DOCK3: variants seen among roughly 807,000 people sequenced by gnomAD.
The protein encoded by DOCK3 is dedicator of cytokinesis 3.
In DOCK3, 60 loss-of-function variants were observed where a neutral mutation model predicts 265.6. That is an observed-to-expected ratio of 0.23 (90% confidence interval 0.18 to 0.28). The LOEUF is 0.28. Among genes scored for constraint, DOCK3 ranks in the 10% least tolerant of loss-of-function variants. The pLI is 1.00. For missense variants in DOCK3, 1,981 were observed against 2,594.3 expected, an observed-to-expected ratio of 0.76 and a Z score of 5.14; for synonymous variants, 881 against 938.0, an observed-to-expected ratio of 0.94 and a Z score of 1.11.
intron 5 of DOCK3, among the ~76,000 whole-genome samples, chr3:51,004,507 AG>A (rs1307911881): frequency 2.6e-5 from 4 of 152,278 alleles, no homozygotes; most frequent in Non-Finnish European, 5.9e-5. Context: ...ATAATGGATT[AG>A]GTTTAGGTTT....
intron 13 of DOCK3, among the ~76,000 whole-genome samples, chr3:51,212,674 C>T (rs978115711): frequency 6.6e-6 from 1 of 152,178 alleles, no homozygotes; most frequent in Non-Finnish European, 1.5e-5. Flanking sequence ...TTGGTTCTGG[C>T]TCCCAGGCTT....
At chr3:50,785,699 T>C (rs1272345145) in intron 2 of DOCK3, among the ~76,000 whole-genome samples, 1 of 152,228 alleles carries the variant, frequency 6.6e-6, no homozygotes, top group Non-Finnish European at 1.5e-5. Context: ...AATATACTGT[T>C]GGATTCAGTT....
At chr3:51,137,644 A>G (rs1024778998) in intron 9 of DOCK3, among the ~76,000 whole-genome samples, 7 of 152,248 alleles carry the variant, frequency 4.6e-5, no homozygotes, top group Admixed American at 1.3e-4. Context: ...TTAAGACACC[A>G]TTAGACTTGT....
Position 51,146,630 on chromosome 3 carries a change from A to G in DOCK3, c.828A>G (p.Thr276=), listed in dbSNP as rs1262703597. 7 of 1,578,736 alleles carry G rather than the reference A, an allele frequency of 4.4e-6. No individual in the cohort carries two copies. The highest frequency in any genetic ancestry group is 6.0e-6 in the Non-Finnish European group (7 of 1,161,016). ...EKIERMCALF[T]DLSSKDMKRD... ...TAGAACGAATGTGTGCCCTTTTTAC[A>G]GTATGTACGAATTCTCTTTTTCTTC... The change falls in exon 10 of 53, where the codon ACA becomes ACG. Residue 276 remains threonine, a splice_region_variant and synonymous_variant. Transcript: ENST00000266037.
intron 6 of DOCK3, among the ~76,000 whole-genome samples, chr3:51,067,999 GT>G (rs1256437340): frequency 1.3e-5 from 2 of 152,126 alleles, no homozygotes; most frequent in African/African-American, 4.8e-5. Context: ...AAATCTTGAA[GT>G]TTAGCACATG....
At chr3:50,720,678 T>G (rs778645573) in intron 1 of DOCK3, among the ~76,000 whole-genome samples, 1 of 152,112 alleles carries the variant, frequency 6.6e-6, no homozygotes, top group Non-Finnish European at 1.5e-5. Context: ...GCTGATTGGA[T>G]ATATACCCAG....
intron 10 of DOCK3, among the ~76,000 whole-genome samples, chr3:51,155,470 A>G (rs900381782): frequency 6.6e-6 from 1 of 152,208 alleles, no homozygotes; most frequent in African/African-American, 2.4e-5. Flanking sequence ...GGAGTTTCCT[A>G]GATTGATGTG....
chr3:50,941,407 T>A (rs1395177805), intron 5 of DOCK3, among the ~76,000 whole-genome samples: 1 of 152,166 alleles, frequency 6.6e-6, no homozygotes. Flanking sequence ...TAAAAATTAC[T>A]GCTAATACCA....
chr3:50,682,687 C>G (rs2107675020), intron 1 of DOCK3, among the ~76,000 whole-genome samples: 1 of 152,278 alleles, frequency 6.6e-6, no homozygotes, highest in Admixed American at 6.5e-5. Context: ...GTCGGTATTC[C>G]CAACACTTTG....
chr3:50,823,580 A>C (rs2044579359), intron 2 of DOCK3, among the ~76,000 whole-genome samples: 1 of 152,344 alleles, frequency 6.6e-6, no homozygotes, highest in South Asian at 2.1e-4. Context: ...CTACACAGAC[A>C]CGGCAACCAT....
At chr3:50,969,087 C>T (rs937367870) in intron 5 of DOCK3, among the ~76,000 whole-genome samples, 1 of 152,036 alleles carries the variant, frequency 6.6e-6, no homozygotes, top group Non-Finnish European at 1.5e-5. Flanking sequence ...TGGTGAAGTT[C>T]CCCATTGTTA....
chr3:51,244,847 C>G (rs943320818), intron 21 of DOCK3, among the ~76,000 whole-genome samples: 1 of 152,128 alleles, frequency 6.6e-6, no homozygotes, highest in Admixed American at 6.5e-5. Context: ...TAGTTTGTTA[C>G]ATAGTTGCTA....
chr3:50,796,653 A>G (rs1409905952), intron 2 of DOCK3, among the ~76,000 whole-genome samples: 2 of 152,204 alleles, frequency 1.3e-5, no homozygotes. Flanking sequence ...GGTTGTTTAT[A>G]TGAAAGAAGG....
At chr3:51,189,937 G>C (rs1190526488) in intron 12 of DOCK3, among the ~76,000 whole-genome samples, 1 of 152,164 alleles carries the variant, frequency 6.6e-6, no homozygotes, top group Non-Finnish European at 1.5e-5. Flanking sequence ...CTCACACCGA[G>C]CTCACATGGG....
Position 51,280,139 on chromosome 3 carries a change from C to T in DOCK3, c.2857C>T (p.Arg953Cys), listed in dbSNP as rs745693354. 63 of 1,613,706 alleles carry T rather than the reference C, an allele frequency of 3.9e-5. No homozygotes were observed. Among genetic ancestry groups the T allele is most frequent in the South Asian group, 9.9e-5 (9 of 91,050 alleles). ...EYVSCLLSLL[R>C]QMCDTHFQHL... The stretch of plus-strand genomic sequence containing the variant: ...TGTGTCCTGCCTTCTCTCACTGCTC[C>T]GCCAGATGTGTGACACCCATTTCCA... The change falls in exon 27 of 53, where the codon CGC (arginine) becomes TGC (cysteine). Residue 953 changes from arginine to cysteine, a missense_variant. Physicochemically the swap from Arg to Cys is radical, Grantham distance 180. Coordinates refer to ENST00000266037, the MANE Select transcript of DOCK3 (RefSeq NM_004947.5).
At chr3:51,271,499 C>G (rs1412197027) in intron 24 of DOCK3, among the ~76,000 whole-genome samples, 1 of 152,028 alleles carries the variant, frequency 6.6e-6, no homozygotes, top group Admixed American at 6.5e-5. Flanking sequence ...TCATGAGGGC[C>G]CTGCCTCCAG....
At chr3:50,886,888 T>C (rs976058664) in intron 3 of DOCK3, among the ~76,000 whole-genome samples, 8 of 152,066 alleles carry the variant, frequency 5.3e-5, no homozygotes, top group African/African-American at 1.9e-4. Flanking sequence ...ATTTGTGCAC[T>C]AAATGCCCAC....
chr3:51,288,810 A>G (rs2081560129), intron 27 of DOCK3, among the ~76,000 whole-genome samples: 1 of 151,966 alleles, frequency 6.6e-6, no homozygotes, highest in Non-Finnish European at 1.5e-5. Flanking sequence ...GGTAAAGGCT[A>G]CTCATAAGCC....
intron 12 of DOCK3, among the ~76,000 whole-genome samples, chr3:51,171,444 C>T (rs969319895): frequency 1.3e-4 from 19 of 151,936 alleles, no homozygotes; most frequent in East Asian, 1.9e-4. Context: ...GGGCCAGGTG[C>T]GGTGGCTCAC....
Sources: allele counts gnomAD v4.1 joint callset (sites outside exome capture counted in the v4.1 genomes callset), GRCh38; gene constraint gnomAD v4.1.1; transcripts MANE v1.5; gene names NCBI Gene and HGNC (gene_info 2026-07-23, HGNC 2026-07-21).